The following JAM3 variants were observed in gnomAD, a reference collection of about 807,000 sequenced individuals.
The protein encoded by JAM3 is junctional adhesion molecule C.
A neutral mutation model predicts 39.4 loss-of-function variants in JAM3; 31 were observed. That is an observed-to-expected ratio of 0.79 (90% CI 0.59 to 1.06). The LOEUF (loss-of-function observed/expected upper bound fraction) is 1.06. Among genes scored for constraint, JAM3 ranks in the 50% least tolerant of loss-of-function variants. The pLI is 0.00. For missense variants in JAM3, 455 were observed against 391.4 expected (o/e 1.16, Z -1.37); for synonymous variants, 182 against 148.7 (o/e 1.22, Z -1.63).
Position 134,150,379 on chromosome 11 carries a change from C to A in JAM3, c.*1198C>A, listed in dbSNP as rs1466650191. 1.3e-5 allele frequency: 2 copies of A among 152,516 alleles called. No homozygotes were observed. The highest frequency in any genetic ancestry group is 2.9e-5 in the Non-Finnish European group (2 of 68,168). 9.4% of individuals were successfully genotyped at this position (152,516 alleles called of 1,614,324 possible). On this transcript the variant is annotated 3_prime_UTR_variant, in exon 9 of 9. Coordinates refer to ENST00000299106, the MANE Select transcript of JAM3 (RefSeq NM_032801.5). ...CAGATGTACATACACAGATGCCAGT[C>A]AGCTCCTGGGGTTGCGCCAGGCGCC...
chr11:134,087,763 T>C (rs1941769067), intron 1 of JAM3, among the ~76,000 whole-genome samples: 1 of 152,182 alleles, frequency 6.6e-6, no homozygotes, highest in South Asian at 2.1e-4. Flanking sequence ...TTTCTACCCA[T>C]AAAGCAAATA....
At chr11:134,123,952 C>G in intron 1 of JAM3, 1 of 1,492,842 alleles carries the variant, frequency 6.7e-7, no homozygotes, top group Non-Finnish European at 9.3e-7. Context: ...AACTGAACTG[C>G]ATCTTCGTAC....
At chr11:134,095,834 A>G (rs1941972489) in intron 1 of JAM3, among the ~76,000 whole-genome samples, 1 of 152,134 alleles carries the variant, frequency 6.6e-6, no homozygotes, top group East Asian at 1.9e-4. Flanking sequence ...CATAACAAAC[A>G]TCTTAAATGT....
chr11:134,104,473 C>A (rs942747206), intron 1 of JAM3, among the ~76,000 whole-genome samples: 1 of 151,992 alleles, frequency 6.6e-6, no homozygotes, highest in African/African-American at 2.4e-5. Context: ...AAAACAAATT[C>A]AAAAGCTAGC....
chr11:134,130,527 C>G (rs942678935), intron 1 of JAM3, among the ~76,000 whole-genome samples: 3 of 152,114 alleles, frequency 2.0e-5, no homozygotes, highest in Middle Eastern at 3.2e-3. Context: ...TGTTCACCAG[C>G]AGAAAAATTA....
intron 6 of JAM3, 122 bp from the exon 7 acceptor site, chr11:134,148,425 A>G: frequency 1.7e-6 from 2 of 1,151,316 alleles, no homozygotes; most frequent in Non-Finnish European, 1.3e-6. Context: ...TAGCTGGGGT[A>G]GGCCTGAGGG....
At chr11:134,121,476 CT>C (rs796353940) in intron 1 of JAM3, among the ~76,000 whole-genome samples, 76 of 145,538 alleles carry the variant, frequency 5.2e-4, no homozygotes, top group Middle Eastern at 6.9e-3. Flanking sequence ...CAGCTCCCTC[CT>C]TTTTTTTTTT....
At chr11:134,072,706 T>A (rs1941501972) in intron 1 of JAM3, among the ~76,000 whole-genome samples, 1 of 152,172 alleles carries the variant, frequency 6.6e-6, no homozygotes, top group Non-Finnish European at 1.5e-5. Context: ...GATCAGGAGA[T>A]CAAGAACATC....
At chr11:134,097,849 C>CTTTTA in intron 1 of JAM3, among the ~76,000 whole-genome samples, 1 of 151,154 alleles carries the variant, frequency 6.6e-6, no homozygotes, top group East Asian at 1.9e-4. Flanking sequence ...TCTTAATTTT[C>CTTTTA]TTTTATATAT....
At chr11:134,099,868 G>A (rs1427794657) in intron 1 of JAM3, among the ~76,000 whole-genome samples, 3 of 152,158 alleles carry the variant, frequency 2.0e-5, no homozygotes, top group African/African-American at 7.2e-5. Flanking sequence ...GCCTCCCAAA[G>A]TGCTGGGATT....
intron 1 of JAM3, among the ~76,000 whole-genome samples, chr11:134,129,445 C>G (rs1447238306): frequency 6.6e-6 from 1 of 152,036 alleles, no homozygotes; most frequent in Non-Finnish European, 1.5e-5. Flanking sequence ...GGACACTAGT[C>G]ATATTGGATT....
rs1253682273 is a variant in JAM3, at chr11:134,148,816, G to T, written c.895G>T (p.Glu299Ter). 2.5e-6 allele frequency: 4 copies of T among 1,614,068 alleles called. No individual in the cohort carries two copies. The highest frequency in any genetic ancestry group is 3.4e-6 in the Non-Finnish European group (4 of 1,179,974). ...DGVNYIRTDE[E>*]GDFRHKSSFV... is the part of the protein sequence containing the mutation. ...AGTTAACTACATCCGCACTGACGAG[G>T]AGGTAATCATTTAGTAAACCTGGAA... The change falls in exon 8 of 9, where the codon GAG (glutamate) becomes TAG (stop). Residue 299 changes from glutamate (E) to a stop codon, truncating the protein, a stop_gained and splice_region_variant. Coordinates refer to ENST00000299106, the MANE Select transcript of JAM3 (RefSeq NM_032801.5). LOFTEE classifies it high-confidence loss of function.
At chr11:134,115,633 G>T (rs470425) in intron 1 of JAM3, among the ~76,000 whole-genome samples, 4,703 of 152,174 alleles carry the variant, frequency 0.031, 256 homozygotes, top group East Asian at 0.25. Flanking sequence ...GGTGCTGTGC[G>T]GCTAATGCCT....
intron 1 of JAM3, among the ~76,000 whole-genome samples, chr11:134,117,219 T>G (rs531063071): frequency 6.6e-6 from 1 of 151,578 alleles, no homozygotes; most frequent in Non-Finnish European, 1.5e-5. Context: ...AAAAATAAAA[T>G]AAAATAAAAT....
rs71038556 is a variant in JAM3, at chr11:134,076,833, C to CTTTTTT, written c.76+7689_76+7694dup. Among the ~76,000 whole-genome samples the CTTTTTT allele has an allele frequency of 2.9e-4, 34 of 118,510 alleles. 5 individuals carry two copies. The highest frequency in any genetic ancestry group is 1.1e-3 in the South Asian group (4 of 3,676). The allele number at this position is 118,510 out of a possible 152,430, so 77.7% of individuals were successfully genotyped here. Reference sequence around the variant, plus strand: ...TTTGCAATCTCACTAACATCTATTGCTTTTTTTTTTTTTTTTTTTTGAGAT... The same window carrying CTTTTTT: ...TTTGCAATCTCACTAACATCTATTGCTTTTTTTTTTTTTTTTTTTTTTTTTTGAGAT... On this transcript the variant is annotated intron_variant, in intron 1 of 8. Transcript: ENST00000299106.
chr11:134,103,550 T>C (rs1277356319), intron 1 of JAM3, among the ~76,000 whole-genome samples: 2 of 152,174 alleles, frequency 1.3e-5, no homozygotes, highest in Non-Finnish European at 2.9e-5. Flanking sequence ...ATGCTCCAAT[T>C]AAAAGACACA....
At chr11:134,144,117 G>T in intron 3 of JAM3, 124 bp from the exon 4 acceptor site, 2 of 906,518 alleles carry the variant, frequency 2.2e-6, no homozygotes. Context: ...CTCGGGAATA[G>T]AAATAAATAT....
At position 134,144,413 on chromosome 11, in the gene JAM3, T is replaced by A; in HGVS notation, c.409+20T>A. 2.5e-6 allele frequency: 4 copies of A among 1,613,850 alleles called. No individual in the cohort carries two copies. The highest frequency in any genetic ancestry group is 3.4e-6 in the Non-Finnish European group (4 of 1,179,760). On this transcript the variant is annotated intron_variant, in intron 4 of 8. Transcript: ENST00000299106. ...TGCAAGGTAGGAGCTCATGCGAAGG[T>A]GAGACATTGCCACCATAGGATGCAA...
intron 1 of JAM3, among the ~76,000 whole-genome samples, chr11:134,101,439 G>A (rs886081751): frequency 7.2e-5 from 11 of 152,128 alleles, no homozygotes; most frequent in Non-Finnish European, 1.6e-4. Context: ...GAACTGAGGT[G>A]GAGTGTTCTT....
Sources: allele counts gnomAD v4.1 joint callset (sites outside exome capture counted in the v4.1 genomes callset), GRCh38; gene constraint gnomAD v4.1.1; transcripts MANE v1.5; gene names NCBI Gene and HGNC (gene_info 2026-07-23, HGNC 2026-07-21).